ZNF746: variants seen among roughly 807,000 people sequenced by gnomAD.
ZNF746 encodes zinc finger protein 746.
ZNF746 carries 13 observed loss-of-function variants against 41.0 expected under a neutral mutation model. The observed-to-expected ratio is 0.32, with a 90% CI of 0.21 to 0.50. The LOEUF (loss-of-function observed/expected upper bound fraction) is 0.50, where lower values mean the gene tolerates loss of function less well. Among genes scored for constraint, ZNF746 ranks in the 20% least tolerant of loss-of-function variants. The probability of loss-of-function intolerance (pLI) is 0.98; values close to 1 mark genes in which losing one functional copy is unlikely to be tolerated. For synonymous variants in ZNF746, 424 were observed against 396.2 expected (o/e 1.07, Z -0.83); for missense variants, 811 against 922.9 (o/e 0.88, Z 1.57).
In ZNF746 at chr7:149,494,113, C is replaced by T. The variant is rs1267358703; in HGVS notation, c.327G>A (p.Val109=). Residue 109 remains valine (V), a splice_region_variant and synonymous_variant, in exon 3 of 7, where the codon GTG becomes GTA. Coordinates refer to ENST00000458143, the MANE Select transcript of ZNF746 (RefSeq NM_001394198.1). This position sits in a 1 kb window ranked among gnomAD's most constrained non-coding sequence, Gnocchi z 5.6. The part of the protein sequence containing the change: ...PPGSKGESPK[V]PVTFDDVAVY... ...CGGCCACATCATCAAAGGTCACGGG[C>T]ACCTGGAACCACAAGTGTCACACTC... is the stretch of plus-strand genomic sequence containing the variant. The T allele has an allele frequency of 1.9e-6, 3 of 1,614,064 alleles. No individual in the cohort carries two copies. Among genetic ancestry groups the T allele is most frequent in the Admixed American group, 1.7e-5 (1 of 60,008 alleles).
chr7:149,474,860 C>T lies in ZNF746; in HGVS notation c.1507G>A (p.Gly503Ser). Residue 503 changes from glycine to serine, a missense_variant, in exon 7 of 7, where the codon GGT becomes AGT. Gly to Ser is a moderately conservative substitution (Grantham distance 56). Around this residue, in one of 4 missense-constraint regions of ZNF746, gnomAD observed 495 missense variants for 481.6 expected, o/e 1.03. Transcript: ENST00000458143. This position sits in a 1 kb window ranked among gnomAD's most constrained non-coding sequence, Gnocchi z 6.3. ...CCGCCGCCACTGCCGCTGCCGCCAC[C>T]GCCTGTGCCCGGGCCCGACCCGTCG... is the stretch of plus-strand genomic sequence containing the variant. ...APDGSGPGTGGGGSGSGGGGG... is the reference protein window; with the variant it reads ...APDGSGPGTGSGGSGSGGGGG... 2 of 1,459,596 alleles carry T rather than the reference C, an allele frequency of 1.4e-6. No individual in the cohort carries two copies. The highest frequency in any genetic ancestry group is 9.0e-7 in the Non-Finnish European group (1 of 1,113,182). The allele number at this position is 1,459,596 out of a possible 1,614,324, so 90.4% of individuals were successfully genotyped here.
chr7:149,483,273 T>G (rs1800531741), intron 4 of ZNF746, among the ~76,000 whole-genome samples: 1 of 152,130 alleles, frequency 6.6e-6, no homozygotes, highest in African/African-American at 2.4e-5. Context: ...ACAGCTACAA[T>G]GGTACTTAGA....
Position 149,494,157 on chromosome 7 carries a change from G to A in ZNF746, c.325-42C>T, listed in dbSNP as rs755422062. ...CACACTCGCTCACCCACACGCTCAC[G>A]GGTTTGGCCGCTTGGGCTCCCACAC... is the stretch of plus-strand genomic sequence containing the variant. On this transcript the variant is annotated intron_variant, in intron 2 of 6. Transcript: ENST00000458143. The surrounding 1 kb of genome is among the most constrained non-coding windows in gnomAD (Gnocchi z 5.6). 1.2e-5 allele frequency: 19 copies of A among 1,613,688 alleles called. No homozygotes were observed. Among genetic ancestry groups the A allele is most frequent in the Middle Eastern group, 3.3e-4 (2 of 6,084 alleles).
intron 5 of ZNF746, 78 bp from the exon 6 acceptor site, chr7:149,477,125 G>A (rs1800331190): frequency 3.4e-6 from 5 of 1,490,406 alleles, no homozygotes; most frequent in Non-Finnish European, 3.6e-6. Flanking sequence ...AGGAGAGCAG[G>A]CTAAACTCTG....
intron 4 of ZNF746, chr7:149,488,504 T>C (rs1460749948): frequency 6.6e-6 from 1 of 152,080 alleles, no homozygotes; most frequent in Non-Finnish European, 1.5e-5. Flanking sequence ...GATTTGTATC[T>C]AGAACACATA....
Position 149,496,761 on chromosome 7 carries a change from T to TC in ZNF746, c.24+751dup, listed in dbSNP as rs1039847466. ...TACCAAGAGGCCCCCTGACACTCCTTCCCCCGGAGCCCACCGCAAGCTTCC... is the reference window on the plus strand; with the variant it reads ...TACCAAGAGGCCCCCTGACACTCCTTCCCCCCGGAGCCCACCGCAAGCTTCC... On this transcript the variant is annotated intron_variant, in intron 1 of 6. Transcript: ENST00000458143. 6.3e-6 allele frequency: 6 copies of TC among 958,012 alleles called. No homozygotes were observed. In the African/African-American group the frequency reaches 1.1e-4, roughly 17 times the overall value. The allele number at this position is 958,012 out of a possible 1,614,324, so 59.3% of individuals were successfully genotyped here. A position where few individuals can be genotyped will look rare whatever the true frequency, so the allele number is the denominator to read the frequency against.
chr7:149,480,659 C>G (rs949766637), intron 4 of ZNF746, among the ~76,000 whole-genome samples: 2 of 152,162 alleles, frequency 1.3e-5, no homozygotes, highest in East Asian at 3.9e-4. Flanking sequence ...TGGTCTTGAA[C>G]TCCTGAGCTC....
chr7:149,495,688 TAGAG>T (rs750503556), intron 1 of ZNF746, among the ~76,000 whole-genome samples: 3 of 152,174 alleles, frequency 2.0e-5, no homozygotes, highest in Admixed American at 1.3e-4. Flanking sequence ...TGGATTCACT[TAGAG>T]AAAGTCACTG....
rs756554317 is a variant in ZNF746 at position 149,493,971 on chromosome 7, A to T, written c.451+18T>A. On this transcript the variant is annotated intron_variant, in intron 3 of 6. Transcript: ENST00000458143. ...TTGCAAAATCCCATTTAACAGAGAA[A>T]TGAGTGTCAGGCCTTACCCAGGGAG... The T allele has an allele frequency of 1.9e-6, 3 of 1,614,202 alleles. No homozygotes were observed. Among genetic ancestry groups the T allele is most frequent in the Non-Finnish European group, 2.5e-6 (3 of 1,180,030 alleles).
At position 149,494,224 on chromosome 7, in the gene ZNF746, T is replaced by C. The variant is rs1370142635; in HGVS notation, c.304A>G (p.Ser102Gly). ...GCTACCTTAGGGGACTCCCCCTTGC[T>C]GCCCGGGGGCAGCCGCAGGATCCAG... Reference protein sequence around the residue: ...NFWILRLPPGSKGESPKVPVT... With the variant: ...NFWILRLPPGGKGESPKVPVT... Residue 102 changes from serine to glycine, a missense_variant, in exon 2 of 7, where the codon AGC becomes GGC. Ser to Gly is a moderately conservative substitution (Grantham distance 56). This residue lies in a region of ZNF746 where 147 missense variants were observed against 233.4 expected (regional missense o/e 0.63). Transcript: ENST00000458143. The surrounding 1 kb of genome is among the most constrained non-coding windows in gnomAD (Gnocchi z 5.6). 11 of 1,614,158 alleles carry C rather than the reference T, an allele frequency of 6.8e-6. No homozygotes were observed. The East Asian group carries it at 2.5e-4, about 36-fold the overall frequency.
rs755389297 is a variant in ZNF746, at chr7:149,477,071, C to T, written c.758-24G>A. 31 of 1,605,142 alleles carry T rather than the reference C, an allele frequency of 1.9e-5. No homozygotes were observed. The highest frequency in any genetic ancestry group is 1.3e-4 in the South Asian group (12 of 89,808). On this transcript the variant is annotated intron_variant, in intron 5 of 6. Coordinates refer to ENST00000458143, the MANE Select transcript of ZNF746 (RefSeq NM_001394198.1). ...ACCTGCGGTAAGGGGAGAGCAGAGC[C>T]GGTGGGTTAGGGGACGGACGGGGAG...
At position 149,494,773 on chromosome 7, in the gene ZNF746, C is replaced by G. The variant is rs751550959; in HGVS notation, c.25-270G>C. ...ATCACCCTACACAATAATTTCCTAC[C>G]CACACCTACACTGTGGGCTCCCTGA... On this transcript the variant is annotated intron_variant, in intron 1 of 6. Transcript: ENST00000458143. This position sits in a 1 kb window ranked among gnomAD's most constrained non-coding sequence, Gnocchi z 5.6. 1.3e-5 allele frequency among the ~76,000 whole-genome samples: 2 copies of G among 151,908 alleles called. No homozygotes were observed. Among genetic ancestry groups the G allele is most frequent in the Non-Finnish European group, 2.9e-5 (2 of 67,990 alleles).
Position 149,477,773 on chromosome 7 carries a change from TG to T in ZNF746, c.566-19del. ...CCCCGAGCCTAGGAAAGGGAGTGAG[TG>T]TGAGGATACAGCATCACGGCCCCTC... On this transcript the variant is annotated intron_variant, in intron 4 of 6. Coordinates refer to ENST00000458143, the MANE Select transcript of ZNF746 (RefSeq NM_001394198.1). 1 of 1,587,436 alleles carries T rather than the reference TG, an allele frequency of 6.3e-7. No homozygotes were observed. The highest frequency in any genetic ancestry group is 8.6e-7 in the Non-Finnish European group (1 of 1,162,896).
At position 149,476,042 on chromosome 7, in the gene ZNF746, C is replaced by T. The variant is rs150727217; in HGVS notation, c.884-559G>A. Reference sequence around the variant, plus strand: ...GAATAAGAATGTGTTTGGCCAGGCGCGGTGGCTCACGCCTATAATCCCAGC... The same window carrying T: ...GAATAAGAATGTGTTTGGCCAGGCGTGGTGGCTCACGCCTATAATCCCAGC... On this transcript the variant is annotated intron_variant, in intron 6 of 6. Coordinates refer to ENST00000458143, the MANE Select transcript of ZNF746 (RefSeq NM_001394198.1). 5.1e-3 allele frequency among the ~76,000 whole-genome samples: 778 copies of T among 152,244 alleles called. 3 individuals carry two copies. The highest frequency in any genetic ancestry group is 0.018 in the African/African-American group (736 of 41,536).
chr7:149,486,951 G>A (rs554015299), intron 4 of ZNF746, among the ~76,000 whole-genome samples: 3 of 152,294 alleles, frequency 2.0e-5, no homozygotes, highest in East Asian at 3.9e-4. Context: ...CCCATGCCCC[G>A]GGGAACCTGG....
In ZNF746 at chr7:149,476,991, G is replaced by A. The variant is rs267601399; in HGVS notation, c.814C>T (p.Pro272Ser). The change falls in exon 6 of 7, where the codon CCT becomes TCT. Residue 272 changes from proline (P) to serine (S), a missense_variant. This residue lies in a region of ZNF746 where 495 missense variants were observed against 481.6 expected (regional missense o/e 1.03). Transcript: ENST00000458143. ...CATGCTGAAGAGGGATGGTGGGGAG[G>A]GAGATCCGTTTGCCAGGAGGTGGGC... is the stretch of plus-strand genomic sequence containing the variant. ...IPPTSWQTDL[P>S]PHHPSSACSD... The A allele has an allele frequency of 6.2e-7, 1 of 1,613,892 alleles. No individual in the cohort carries two copies. Among genetic ancestry groups the A allele is most frequent in the African/African-American group, 1.3e-5 (1 of 74,930 alleles).
At chr7:149,479,019 AAG>A (rs1402823017) in intron 4 of ZNF746, among the ~76,000 whole-genome samples, 3 of 152,224 alleles carry the variant, frequency 2.0e-5, no homozygotes, top group Non-Finnish European at 1.5e-5. Context: ...TGAAAAAGTT[AAG>A]AGACCTGGAG....
chr7:149,486,786 C>T (rs942855615), intron 4 of ZNF746, among the ~76,000 whole-genome samples: 6 of 152,118 alleles, frequency 3.9e-5, no homozygotes, highest in Non-Finnish European at 7.3e-5. Context: ...CAGGGGAGGA[C>T]GGGGGTCCAA....
chr7:149,478,097 C>G (rs943311183), intron 4 of ZNF746, among the ~76,000 whole-genome samples: 1 of 151,968 alleles, frequency 6.6e-6, no homozygotes, highest in African/African-American at 2.4e-5. Flanking sequence ...CAAAAGTGAA[C>G]CCCAAGTCCC....
Sources: allele counts gnomAD v4.1 joint callset (sites outside exome capture counted in the v4.1 genomes callset), GRCh38; gene constraint gnomAD v4.1.1; regional missense constraint gnomAD v4.1.1; non-coding constraint Gnocchi (gnomAD v3.1); transcripts MANE v1.5; gene names NCBI Gene and HGNC (gene_info 2026-07-23, HGNC 2026-07-21).